UTRN: variants seen among roughly 807,000 people sequenced by gnomAD.
UTRN encodes the protein dystrophin-related protein 1.
UTRN carries 283 observed loss-of-function variants against 463.9 expected under a neutral mutation model. The observed-to-expected ratio is 0.61, with a 90% CI of 0.55 to 0.67. The LOEUF is 0.67. Ranked by LOEUF, UTRN falls within the 30% of genes least tolerant of loss-of-function variation. The pLI is 0.00. For synonymous variants in UTRN, 1,442 were observed against 1,431.5 expected (o/e 1.01, Z -0.17); for missense variants, 3,922 against 4,084.3 (o/e 0.96, Z 1.08).
chr6:144,462,775 A>T lies in UTRN; in HGVS notation c.2975A>T (p.Asp992Val). The T allele has an allele frequency of 6.2e-7, 1 of 1,611,698 alleles. No individual in the cohort carries two copies. The highest frequency in any genetic ancestry group is 8.5e-7 in the Non-Finnish European group (1 of 1,179,488). ...VEKLYKQEFD[D>V]VQGKWNKLKV... Reference sequence around the variant, plus strand: ...AAATTATATAAGCAAGAATTTGATGATGTGCAAGGAAAGTGGAACAAGCTA... The same window carrying T: ...AAATTATATAAGCAAGAATTTGATGTTGTGCAAGGAAAGTGGAACAAGCTA... Residue 992 changes from aspartate (D) to valine (V), a missense_variant, in exon 23 of 75, where the codon GAT (aspartate) becomes GTT (valine). By Grantham distance (152) the Asp-to-Val change is radical (BLOSUM62 -3). This residue lies in a region of UTRN where 2,349 missense variants were observed against 2,303.8 expected (regional missense o/e 1.02). Transcript: ENST00000367545.
intron 29 of UTRN, 80 bp from the exon 30 acceptor site, chr6:144,488,588 GTCTTT>G (rs1473023195): frequency 7.5e-6 from 10 of 1,336,908 alleles, no homozygotes; most frequent in South Asian, 1.8e-5. Context: ...AGCTTTTATG[GTCTTT>G]TCTTAGTGGC....
chr6:144,464,320 A>G (rs551014434), intron 23 of UTRN, among the ~76,000 whole-genome samples: 1 of 152,118 alleles, frequency 6.6e-6, no homozygotes, highest in South Asian at 2.1e-4. Context: ...GTTCCAATGA[A>G]TGATCAGCAG....
At chr6:144,568,154 A>G (rs1281414747) in intron 50 of UTRN, among the ~76,000 whole-genome samples, 3 of 152,062 alleles carry the variant, frequency 2.0e-5, no homozygotes, top group Non-Finnish European at 4.4e-5. Context: ...ATGTCCTTAA[A>G]TCTTTTTTGG....
chr6:144,339,268 G>A (rs564572074), intron 2 of UTRN, among the ~76,000 whole-genome samples: 262 of 152,340 alleles, frequency 1.7e-3, no homozygotes, highest in Non-Finnish European at 2.7e-3. Flanking sequence ...CATTAACACT[G>A]AAGGGAAGTA....
chr6:144,602,100 T>C (rs757940512), intron 51 of UTRN, among the ~76,000 whole-genome samples: 2 of 152,152 alleles, frequency 1.3e-5, no homozygotes, highest in Admixed American at 1.3e-4. Flanking sequence ...TCAATTGATA[T>C]AAAGAAGAGT....
intron 51 of UTRN, among the ~76,000 whole-genome samples, chr6:144,676,291 A>G (rs759965587): frequency 3.3e-5 from 5 of 152,160 alleles, no homozygotes; most frequent in Non-Finnish European, 7.4e-5. Context: ...CATGCCAAAT[A>G]TATGTTTTTC....
chr6:144,494,087 T>A (rs6942247), intron 33 of UTRN, among the ~76,000 whole-genome samples: 20,015 of 152,246 alleles, frequency 0.13, 3,723 homozygotes, highest in African/African-American at 0.41. Context: ...ATTCTAAGGA[T>A]ACTACAAGTA....
intron 2 of UTRN, among the ~76,000 whole-genome samples, chr6:144,325,166 C>T (rs1775901226): frequency 6.6e-6 from 1 of 151,876 alleles, no homozygotes; most frequent in African/African-American, 2.4e-5. Flanking sequence ...TACCTGTCTG[C>T]TATAGCTTGA....
chr6:144,538,374 A>T (rs1338728707), intron 44 of UTRN, among the ~76,000 whole-genome samples: 9 of 151,324 alleles, frequency 5.9e-5, no homozygotes, highest in South Asian at 2.1e-4. Flanking sequence ...TTTTTTTTAA[A>T]AAAAGAAATT....
Position 144,424,046 on chromosome 6 carries a change from G to T in UTRN, c.373G>T (p.Gly125Trp). The change falls in exon 6 of 75, where the codon GGG becomes TGG. Residue 125 changes from glycine to tryptophan, a missense_variant. Physicochemically the swap from Gly to Trp is radical, Grantham distance 184 (BLOSUM62 -2). Coordinates refer to ENST00000367545, the MANE Select transcript of UTRN (RefSeq NM_007124.3). ...IVDGNHKLTL[G>W]LLWSIILHWQ... ...GGATGGAAATCACAAACTGACTTTG[G>T]GGTTACTTTGGAGCATCATTTTGCA... 1 of 1,614,122 alleles carries T rather than the reference G, an allele frequency of 6.2e-7. No homozygotes were observed. Among genetic ancestry groups the T allele is most frequent in the South Asian group, 1.1e-5 (1 of 91,078 alleles).
intron 52 of UTRN, among the ~76,000 whole-genome samples, chr6:144,696,246 T>A (rs1051375758): frequency 6.6e-6 from 1 of 152,162 alleles, no homozygotes; most frequent in African/African-American, 2.4e-5. Flanking sequence ...GCTCTCTTTT[T>A]TTTCTGGTTT....
intron 51 of UTRN, among the ~76,000 whole-genome samples, chr6:144,580,798 T>C (rs989127745): frequency 2.6e-5 from 4 of 152,112 alleles, no homozygotes; most frequent in African/African-American, 4.8e-5. Flanking sequence ...GGATTTTTGC[T>C]TTATAGGAAT....
intron 27 of UTRN, among the ~76,000 whole-genome samples, chr6:144,483,333 G>GTGCT (rs1792085629): frequency 6.6e-6 from 1 of 152,184 alleles, no homozygotes; most frequent in African/African-American, 2.4e-5. Context: ...AAAAGAGGTT[G>GTGCT]TGCTTGCATC....
chr6:144,445,321 A>C (rs1414744770), intron 14 of UTRN, among the ~76,000 whole-genome samples: 2 of 140,696 alleles, frequency 1.4e-5, no homozygotes, highest in Non-Finnish European at 3.0e-5. Context: ...ACTGCACTCC[A>C]GCCTGGGAGA....
intron 48 of UTRN, among the ~76,000 whole-genome samples, chr6:144,552,608 C>A (rs756271860): frequency 1.3e-5 from 2 of 152,212 alleles, no homozygotes; most frequent in Non-Finnish European, 2.9e-5. Context: ...TATTTTCTCT[C>A]TATATATAAA....
intron 51 of UTRN, among the ~76,000 whole-genome samples, chr6:144,647,911 A>G (rs1038582636): frequency 2.6e-5 from 4 of 152,200 alleles, no homozygotes; most frequent in South Asian, 2.1e-4. Context: ...GACCACATGT[A>G]TTACAGTTGT....
Position 144,354,548 on chromosome 6 carries a change from T to G in UTRN, c.80-48575T>G, listed in dbSNP as rs150878344. The stretch of plus-strand genomic sequence containing the variant: ...GCCCGAGTTAGGCAGTTTCCAGTGC[T>G]CTAATTGGTACTTTGGAGCCAGTGT... On this transcript the variant is annotated intron_variant, in intron 2 of 74. Coordinates refer to ENST00000367545, the MANE Select transcript of UTRN (RefSeq NM_007124.3). Among the ~76,000 whole-genome samples, 1,011 of 152,324 alleles carry G rather than the reference T, an allele frequency of 6.6e-3. 5 individuals carry two copies. Among genetic ancestry groups the G allele is most frequent in the Non-Finnish European group, 9.8e-3 (669 of 68,032 alleles).
intron 46 of UTRN, among the ~76,000 whole-genome samples, chr6:144,546,439 TTTA>T (rs1266518246): frequency 1.3e-5 from 2 of 152,224 alleles, no homozygotes; most frequent in Non-Finnish European, 2.9e-5. Context: ...CATTAATTCA[TTTA>T]TTAAGTTGTT....
intron 33 of UTRN, among the ~76,000 whole-genome samples, chr6:144,496,849 T>G (rs1328147339): frequency 6.6e-6 from 1 of 152,132 alleles, no homozygotes; most frequent in Non-Finnish European, 1.5e-5. Flanking sequence ...AGATCTGAAG[T>G]CTGGGTAGGA....
Sources: allele counts gnomAD v4.1 joint callset (sites outside exome capture counted in the v4.1 genomes callset), GRCh38; gene constraint gnomAD v4.1.1; regional missense constraint gnomAD v4.1.1; transcripts MANE v1.5; gene names NCBI Gene and HGNC (gene_info 2026-07-23, HGNC 2026-07-21).